ADTRP: variants seen among roughly 807,000 people sequenced by gnomAD.
The protein encoded by ADTRP is androgen dependent TFPI regulating protein.
Under a neutral mutation model 27.0 loss-of-function variants are expected in ADTRP, and 20 were observed. The ratio of observed to expected loss-of-function variants is 0.74; its 90% CI spans 0.52 to 1.08. ADTRP has a LOEUF of 1.08. Among genes scored for constraint, ADTRP ranks in the 50% least tolerant of loss-of-function variants. The pLI is 0.00. For synonymous variants in ADTRP, 101 were observed against 105.2 expected (o/e 0.96, Z 0.25); for missense variants, 251 against 275.0 (o/e 0.91, Z 0.62).
intron 1 of ADTRP, among the ~76,000 whole-genome samples, chr6:11,778,181 A>G (rs934058856): frequency 4.6e-5 from 7 of 152,270 alleles, no homozygotes; most frequent in Admixed American, 1.3e-4. Context: ...TGTGTGCTGT[A>G]AAATGGCATT....
At chr6:11,717,089 A>G (rs1761858347) in intron 5 of ADTRP, 1 of 398,720 alleles carries the variant, frequency 2.5e-6, no homozygotes, top group African/African-American at 2.1e-5. Flanking sequence ...ATAATAGATC[A>G]TATATCTTAC....
intron 3 of ADTRP, among the ~76,000 whole-genome samples, chr6:11,755,557 G>A (rs1763188260): frequency 6.6e-6 from 1 of 152,194 alleles, no homozygotes; most frequent in Non-Finnish European, 1.5e-5. Flanking sequence ...AAGATTTCTT[G>A]AGAGGCAAAA....
At chr6:11,714,642 A>G in intron 5 of ADTRP, 130 bp from the exon 6 acceptor site, 1 of 1,047,472 alleles carries the variant, frequency 9.5e-7, no homozygotes. Flanking sequence ...AGGTGACAAG[A>G]TGCAGTTTAA....
chr6:11,750,600 G>A (rs528668874), intron 3 of ADTRP, among the ~76,000 whole-genome samples: 8 of 152,208 alleles, frequency 5.3e-5, no homozygotes, highest in African/African-American at 1.7e-4. Flanking sequence ...GAAACCCTAC[G>A]GGCCTCTCCT....
chr6:11,760,916 G>A (rs2113314789), intron 3 of ADTRP, among the ~76,000 whole-genome samples: 1 of 152,302 alleles, frequency 6.6e-6, no homozygotes, highest in East Asian at 1.9e-4. Context: ...CAAAGAAGGT[G>A]TCCCTGAAGA....
At chr6:11,735,971 G>C (rs1436858616) in intron 3 of ADTRP, 1 of 279,408 alleles carries the variant, frequency 3.6e-6, no homozygotes. Context: ...GCGGGGGTGG[G>C]GGGTGGAGAT....
At chr6:11,727,623 C>A (rs1334409211) in intron 4 of ADTRP, among the ~76,000 whole-genome samples, 1 of 152,052 alleles carries the variant, frequency 6.6e-6, no homozygotes, top group Non-Finnish European at 1.5e-5. Flanking sequence ...TGGAAAATTT[C>A]TGTTTACTTC....
intron 3 of ADTRP, among the ~76,000 whole-genome samples, chr6:11,765,323 G>GTTTTTT (rs34943978): frequency 5.0e-5 from 6 of 119,116 alleles, no homozygotes; most frequent in South Asian, 2.6e-4. Flanking sequence ...CCCCTGGTTT[G>GTTTTTT]TTTTTTTTTT....
intron 1 of ADTRP, among the ~76,000 whole-genome samples, chr6:11,777,057 A>G (rs1763979383): frequency 6.6e-6 from 1 of 152,238 alleles, no homozygotes; most frequent in South Asian, 2.1e-4. Flanking sequence ...AGTAAGGTTG[A>G]AGAAGAAAGG....
chr6:11,773,779 C>A (rs2113354609), intron 1 of ADTRP, among the ~76,000 whole-genome samples: 1 of 152,334 alleles, frequency 6.6e-6, no homozygotes, highest in South Asian at 2.1e-4. Context: ...AGCAAGTGAG[C>A]ACAGCCAGTG....
Position 11,766,282 on chromosome 6 carries a change from G to T in ADTRP, c.382C>A (p.His128Asn). ...ATTTTCCCCTCACTCACCATTGCATGATTCAGCCACACGGGGATGACAGTA... is the reference window on the plus strand; with the variant it reads ...ATTTTCCCCTCACTCACCATTGCATTATTCAGCCACACGGGGATGACAGTA... Reference protein sequence around the residue: ...LDTVIPVWLNHAMHTFIFPIT... With the variant: ...LDTVIPVWLNNAMHTFIFPIT... The change falls in exon 3 of 6, where the codon CAT becomes AAT. Residue 128 changes from histidine to asparagine, a missense_variant. His to Asn is a moderately conservative substitution (Grantham distance 68). Coordinates refer to ENST00000414691, the MANE Select transcript of ADTRP (RefSeq NM_032744.4). The T allele has an allele frequency of 1.2e-6, 2 of 1,610,240 alleles. No individual in the cohort carries two copies. The highest frequency in any genetic ancestry group is 1.3e-5 in the African/African-American group (1 of 74,974).
intron 3 of ADTRP, among the ~76,000 whole-genome samples, chr6:11,743,598 C>T (rs767287144): frequency 6.6e-6 from 1 of 152,210 alleles, no homozygotes; most frequent in Non-Finnish European, 1.5e-5. Flanking sequence ...CCCATCATGA[C>T]ATAACACTCG....
chr6:11,720,898 G>C (rs1762004538), intron 5 of ADTRP, among the ~76,000 whole-genome samples: 1 of 152,094 alleles, frequency 6.6e-6, no homozygotes, highest in Non-Finnish European at 1.5e-5. Flanking sequence ...GCAAAAAGTT[G>C]TACTTTACAC....
chr6:11,715,919 C>A (rs1290332971), intron 5 of ADTRP, among the ~76,000 whole-genome samples: 1 of 149,068 alleles, frequency 6.7e-6, no homozygotes, highest in Non-Finnish European at 1.5e-5. Context: ...GGGATCCTCC[C>A]ATCTCAGCCT....
intron 3 of ADTRP, among the ~76,000 whole-genome samples, chr6:11,744,042 G>C (rs1252710674): frequency 6.6e-6 from 1 of 152,194 alleles, no homozygotes; most frequent in African/African-American, 2.4e-5. Flanking sequence ...AGTGGGAGGT[G>C]CTTGGGCCAT....
Position 11,723,356 on chromosome 6 carries a change from C to G in ADTRP, c.651G>C (p.Trp217Cys). ...IYLLGEKLNH[W>C]KWGDMRQPRK... The stretch of plus-strand genomic sequence containing the variant: ...AGAAAGAAATACACTGACCCCATTT[C>G]CAGTGGTTGAGCTTCTCTCCAAGTA... Residue 217 changes from tryptophan (W) to cysteine (C), a missense_variant, in exon 5 of 6, where the codon TGG (tryptophan) becomes TGC (cysteine). Transcript: ENST00000414691. 1 of 1,614,026 alleles carries G rather than the reference C, an allele frequency of 6.2e-7. No homozygotes were observed. Among genetic ancestry groups the G allele is most frequent in the Non-Finnish European group, 8.5e-7 (1 of 1,179,988 alleles).
chr6:11,769,975 A>G (rs766885913), intron 1 of ADTRP: 250 of 1,525,308 alleles, frequency 1.6e-4, no homozygotes, highest in South Asian at 1.1e-3. Flanking sequence ...CTTACGAGCC[A>G]AGTCCTATCA....
chr6:11,735,516 C>T (rs1303148793), intron 4 of ADTRP, 52 bp downstream of exon 4: 40 of 1,389,282 alleles, frequency 2.9e-5, no homozygotes, highest in Non-Finnish European at 4.0e-5. Context: ...TGGAACTTCC[C>T]TCAGGGTCTT....
At chr6:11,735,783 G>A (rs1762529951) in intron 3 of ADTRP, 100 bp from the exon 4 acceptor site, 2 of 770,480 alleles carry the variant, frequency 2.6e-6, no homozygotes, top group South Asian at 3.4e-5. Flanking sequence ...CTTACACACT[G>A]CTAGATGAAG....
Sources: gnomAD v4.1 joint callset for allele counts (sites outside exome capture counted in the v4.1 genomes callset) on GRCh38, gnomAD v4.1.1 for gene constraint, MANE v1.5 for transcripts, NCBI Gene and HGNC (gene_info 2026-07-23, HGNC 2026-07-21) for gene names.